DLG1: variants seen among roughly 807,000 people sequenced by gnomAD.
The protein encoded by DLG1 is disks large homolog 1.
A neutral mutation model predicts 123.4 loss-of-function variants in DLG1; 42 were observed. That is an observed-to-expected ratio of 0.34 (90% confidence interval 0.27 to 0.44). The LOEUF (loss-of-function observed/expected upper bound fraction) is 0.44. Among genes scored for constraint, DLG1 ranks in the 20% least tolerant of loss-of-function variants. The pLI is 1.00. For synonymous variants in DLG1, 317 were observed against 356.2 expected (o/e 0.89, Z 1.24); for missense variants, 942 against 1,082.6 (o/e 0.87, Z 1.82).
intron 5 of DLG1, among the ~76,000 whole-genome samples, chr3:197,192,469 G>GA (rs1333452681): frequency 1.3e-5 from 2 of 151,422 alleles, no homozygotes; most frequent in Non-Finnish European, 1.5e-5. Context: ...AACCAAAAAA[G>GA]AAAAAAATAA....
chr3:197,180,537 A>G (rs1274339181), intron 5 of DLG1, among the ~76,000 whole-genome samples: 10 of 152,234 alleles, frequency 6.6e-5, no homozygotes, highest in Admixed American at 6.5e-4. Flanking sequence ...AATGTAATTC[A>G]TAAGAAACTC....
At chr3:197,211,809 C>T (rs923972763) in intron 4 of DLG1, among the ~76,000 whole-genome samples, 3 of 146,060 alleles carry the variant, frequency 2.1e-5, no homozygotes, top group Non-Finnish European at 4.6e-5. Flanking sequence ...TGTGCACAAA[C>T]GTTCACTGCA....
chr3:197,057,457 G>A (rs1732543269), intron 23 of DLG1, among the ~76,000 whole-genome samples: 1 of 152,184 alleles, frequency 6.6e-6, no homozygotes, highest in Non-Finnish European at 1.5e-5. Flanking sequence ...TTTCTGTGGA[G>A]TGTGCGTCTA....
intron 13 of DLG1, among the ~76,000 whole-genome samples, chr3:197,110,852 C>T (rs779030003): frequency 7.9e-5 from 12 of 152,138 alleles, no homozygotes; most frequent in South Asian, 2.1e-4. Context: ...ACCTTTAACA[C>T]TCAGATAAGC....
At chr3:197,166,292 C>T (rs1286524938) in intron 5 of DLG1, among the ~76,000 whole-genome samples, 1 of 151,928 alleles carries the variant, frequency 6.6e-6, no homozygotes, top group Non-Finnish European at 1.5e-5. Flanking sequence ...CATTCTGGTC[C>T]AATAAATAAA....
chr3:197,121,977 A>G (rs1248436948), intron 11 of DLG1, among the ~76,000 whole-genome samples: 2 of 152,110 alleles, frequency 1.3e-5, no homozygotes, highest in East Asian at 3.8e-4. Flanking sequence ...AGATAGCTTC[A>G]TTGGAAAATT....
intron 11 of DLG1, among the ~76,000 whole-genome samples, chr3:197,126,536 T>C (rs769714611): frequency 1.3e-5 from 2 of 151,880 alleles, no homozygotes; most frequent in Non-Finnish European, 2.9e-5. Flanking sequence ...TGTCACAATG[T>C]GCACATGGTT....
intron 4 of DLG1, among the ~76,000 whole-genome samples, chr3:197,229,714 A>AT (rs1741872962): frequency 6.6e-6 from 1 of 152,208 alleles, no homozygotes; most frequent in South Asian, 2.1e-4. Context: ...GTGGAATACA[A>AT]TCTGTGACAC....
At chr3:197,180,335 G>A (rs933575204) in intron 5 of DLG1, among the ~76,000 whole-genome samples, 2 of 152,150 alleles carry the variant, frequency 1.3e-5, no homozygotes, top group African/African-American at 2.4e-5. Context: ...ACTGGTCCCA[G>A]ATTGGAACAG....
At chr3:197,190,978 C>G (rs980186750) in intron 5 of DLG1, among the ~76,000 whole-genome samples, 2 of 152,166 alleles carry the variant, frequency 1.3e-5, no homozygotes, top group African/African-American at 4.8e-5. Context: ...CCACTGCACT[C>G]CAGCCTGGGC....
At position 197,087,674 on chromosome 3, in the gene DLG1, T is replaced by C. The variant is rs1280374285; in HGVS notation, c.1662-1918A>G. Among the ~76,000 whole-genome samples the C allele has an allele frequency of 2.6e-5, 4 of 152,142 alleles. No individual in the cohort carries two copies. In the East Asian group the frequency reaches 7.7e-4, roughly 29 times the overall value. On this transcript the variant is annotated intron_variant, in intron 15 of 24. Coordinates refer to ENST00000667157, the MANE Select transcript of DLG1 (RefSeq NM_001366207.1). ...CATTTCTGGATGATGCTAATTAAAT[T>C]TAGCAGAATGAAAGAAGCTATAAAT...
rs139893363 is a variant in DLG1 at position 197,232,330 on chromosome 3, C to A, written c.319-37741G>T. Among the ~76,000 whole-genome samples the A allele has an allele frequency of 3.6e-3, 511 of 143,536 alleles. 3 individuals carry two copies. Among genetic ancestry groups the A allele is most frequent in the African/African-American group, 0.011 (444 of 38,662 alleles). 94.2% of individuals were successfully genotyped at this position (143,536 alleles called of 152,430 possible). A position where few individuals can be genotyped will look rare whatever the true frequency, so the allele number is the denominator to read the frequency against. On this transcript the variant is annotated intron_variant, in intron 4 of 24. Coordinates refer to ENST00000667157, the MANE Select transcript of DLG1 (RefSeq NM_001366207.1). ...AGTGAGCTATGATCACGCCACTGTA[C>A]TCCAGCATGGATGACAGAGACCTTG...
chr3:197,287,096 C>G (rs1233930229), intron 3 of DLG1, among the ~76,000 whole-genome samples: 1 of 151,732 alleles, frequency 6.6e-6, no homozygotes, highest in Non-Finnish European at 1.5e-5. Flanking sequence ...GTCTCAAACT[C>G]CTGGGCTCAA....
chr3:197,200,947 C>T (rs1441505449), intron 4 of DLG1, among the ~76,000 whole-genome samples: 1 of 152,140 alleles, frequency 6.6e-6, no homozygotes, highest in African/African-American at 2.4e-5. Context: ...CCCACTTTCA[C>T]CACTCTTATT....
At chr3:197,076,492 G>A in intron 18 of DLG1, 94 bp downstream of exon 18, 1 of 863,820 alleles carries the variant, frequency 1.2e-6, no homozygotes, top group South Asian at 1.9e-5. Context: ...ACCTGCTGCA[G>A]CTCTTGAAAC....
At chr3:197,106,379 C>G (rs1332238078) in intron 13 of DLG1, among the ~76,000 whole-genome samples, 1 of 152,124 alleles carries the variant, frequency 6.6e-6, no homozygotes, top group African/African-American at 2.4e-5. Flanking sequence ...GTACTCCAGC[C>G]TGGGTGACAG....
chr3:197,076,820 CAT>C (rs1578638333), intron 17 of DLG1, 135 bp from the exon 18 acceptor site: 1 of 462,356 alleles, frequency 2.2e-6, no homozygotes, highest in East Asian at 3.8e-5. Flanking sequence ...ACTTTAATCT[CAT>C]ATAAAGTGAA....
chr3:197,286,627 A>C (rs1177760434), intron 3 of DLG1, among the ~76,000 whole-genome samples: 1 of 152,222 alleles, frequency 6.6e-6, no homozygotes, highest in East Asian at 1.9e-4. Context: ...AAATGTGCAC[A>C]TCAGATTTGT....
rs3051913 is a variant in DLG1 at position 197,083,794 on chromosome 3, C to CAAACAAAAACAAAAACAA, written c.1838+1768_1838+1785dup. On this transcript the variant is annotated intron_variant, in intron 16 of 24. Transcript: ENST00000667157. ...GCAACATAGCTAGAACCCATCTCCA[C>CAAACAAAAACAAAAACAA]AAACAAAAACAAAAACAAAAACAAA... is the stretch of plus-strand genomic sequence containing the variant. 3.5e-3 allele frequency among the ~76,000 whole-genome samples: 524 copies of CAAACAAAAACAAAAACAA among 149,418 alleles called. 3 individuals are homozygous for CAAACAAAAACAAAAACAA. The highest frequency in any genetic ancestry group is 9.2e-3 in the African/African-American group (376 of 40,650).
Sources: allele counts gnomAD v4.1 joint callset (sites outside exome capture counted in the v4.1 genomes callset), GRCh38; gene constraint gnomAD v4.1.1; transcripts MANE v1.5; gene names NCBI Gene and HGNC (gene_info 2026-07-23, HGNC 2026-07-21).